ALAS2: variants seen among roughly 807,000 people sequenced by gnomAD.
ALAS2 encodes the protein 5-aminolevulinate synthase, erythroid-specific, mitochondrial.
A neutral mutation model predicts 33.7 loss-of-function variants in ALAS2; 3 were observed. That is an observed-to-expected ratio of 0.09 (90% confidence interval 0.04 to 0.23). The LOEUF (loss-of-function observed/expected upper bound fraction) is 0.23, where lower values mean the gene tolerates loss of function less well. Among genes scored for constraint, ALAS2 ranks in the 10% least tolerant of loss-of-function variants. ALAS2 has a pLI of 1.00. For synonymous variants in ALAS2, 191 were observed against 177.3 expected (o/e 1.08, Z -0.61); for missense variants, 304 against 475.1 (o/e 0.64, Z 3.35).
chrX:55,012,847 C>T lies in ALAS2; in HGVS notation c.1600+639G>A, dbSNP rs1194598220. On this transcript the variant is annotated intron_variant, in intron 10 of 10. Coordinates refer to ENST00000650242, the MANE Select transcript of ALAS2 (RefSeq NM_000032.5). Reference sequence around the variant, plus strand: ...AAAACAAAACTACCCAACAGAAATCCAACAAACATTAGGTGAATTGACTAA... The same window carrying T: ...AAAACAAAACTACCCAACAGAAATCTAACAAACATTAGGTGAATTGACTAA... Among the ~76,000 whole-genome samples the T allele has an allele frequency of 1.3e-4, 14 of 111,747 alleles. No individual in the cohort carries two copies. In the East Asian group the frequency reaches 3.9e-3, roughly 31 times the overall value.
At chrX:55,010,889 C>T (rs1935590628) in intron 10 of ALAS2, among the ~76,000 whole-genome samples, 1 of 111,833 alleles carries the variant, frequency 8.9e-6, no homozygotes, top group African/African-American at 3.3e-5. Context: ...TCCCCAGTGC[C>T]TAGAACAGTA....
At chrX:55,019,089 C>T (rs770983059) in intron 6 of ALAS2, among the ~76,000 whole-genome samples, 1 of 111,254 alleles carries the variant, frequency 9.0e-6, no homozygotes. Flanking sequence ...AGACTTCTCT[C>T]AAGCAGTTTG....
intron 1 of ALAS2, among the ~76,000 whole-genome samples, chrX:55,029,541 T>C (rs1486196103): frequency 8.9e-6 from 1 of 111,739 alleles, no homozygotes. Flanking sequence ...TACCTTTTTT[T>C]CTTGACTGAG....
intron 2 of ALAS2, among the ~76,000 whole-genome samples, chrX:55,025,494 T>C (rs1935876775): frequency 1.8e-5 from 2 of 110,518 alleles, no homozygotes; most frequent in Admixed American, 1.9e-4. Context: ...CCACCACTCC[T>C]GGCTAATTTT....
At chrX:55,010,755 A>G (rs1479108910) in intron 10 of ALAS2, among the ~76,000 whole-genome samples, 2 of 110,931 alleles carry the variant, frequency 1.8e-5, no homozygotes, top group Non-Finnish European at 3.8e-5. Context: ...ATTTTTTCCC[A>G]TAGCACTTAG....
At position 55,015,427 on chromosome X, in the gene ALAS2, C is replaced by T. The variant is rs191333533; in HGVS notation, c.1168+151G>A. On this transcript the variant is annotated intron_variant, in intron 8 of 10. Coordinates refer to ENST00000650242, the MANE Select transcript of ALAS2 (RefSeq NM_000032.5). Reference sequence around the variant, plus strand: ...TTCTCATCAACTCTGCAGTGGGATGCGAGTGGAGAGAGGGAGTCCAGGATG... The same window carrying T: ...TTCTCATCAACTCTGCAGTGGGATGTGAGTGGAGAGAGGGAGTCCAGGATG... 1.4e-4 allele frequency: 87 copies of T among 622,284 alleles called. 1 individual carries two copies. Among genetic ancestry groups the T allele is most frequent in the Admixed American group, 8.3e-4 (28 of 33,625 alleles). 51.3% of individuals were successfully genotyped at this position (622,284 alleles called of 1,213,427 possible).
intron 4 of ALAS2, among the ~76,000 whole-genome samples, chrX:55,022,409 G>T (rs1287887411): frequency 2.7e-5 from 3 of 111,608 alleles, no homozygotes; most frequent in Non-Finnish European, 5.6e-5. Flanking sequence ...GTAGAAAAAT[G>T]GGCATAGAAT....
At chrX:55,017,410 G>A (rs781624162) in intron 7 of ALAS2, 76 bp downstream of exon 7, 24 of 930,378 alleles carry the variant, frequency 2.6e-5, no homozygotes, top group Admixed American at 1.8e-4. Flanking sequence ...TAATGTTATC[G>A]TCATCATCAT....
intron 1 of ALAS2, among the ~76,000 whole-genome samples, chrX:55,027,257 TA>T (rs952330728): frequency 9.2e-6 from 1 of 108,873 alleles, no homozygotes; most frequent in Non-Finnish European, 1.9e-5. Flanking sequence ...GACACAAACA[TA>T]AAAAAATGCT....
chrX:55,014,903 C>T lies in ALAS2; in HGVS notation c.1281G>A (p.Val427=), dbSNP rs1244809212. Residue 427 remains valine, a synonymous_variant, in exon 9 of 11, where the codon GTG becomes GTA. Coordinates refer to ENST00000650242, the MANE Select transcript of ALAS2 (RefSeq NM_000032.5). ...FIFTTSLPPM[V]LSGALESVRL... ...GCACAGATTCTAGAGCTCCAGAGAG[C>T]ACCATGGGGGGCAGAGAAGTGGTAA... is the stretch of plus-strand genomic sequence containing the variant. The T allele has an allele frequency of 1.7e-6, 2 of 1,208,574 alleles. No homozygotes were observed. Among genetic ancestry groups the T allele is most frequent in the Admixed American group, 4.4e-5 (2 of 45,755 alleles).
At chrX:55,013,162 A>G (rs1935631416) in intron 10 of ALAS2, among the ~76,000 whole-genome samples, 1 of 111,343 alleles carries the variant, frequency 9.0e-6, no homozygotes, top group African/African-American at 3.3e-5. Flanking sequence ...TGTCACCTCT[A>G]CTAGGAAGTG....
Position 55,009,218 on chromosome X carries a change from C to T in ALAS2, c.1726G>A (p.Gly576Arg), listed in dbSNP as rs754879867. ...GTGACATACTGGGGCCCCATGTTCC[C>T]GAAGTAGGAACGTTCCCACTCACTC... The part of the protein sequence containing the change: ...LMSEWERSYF[G>R]NMGPQYVTTY... Residue 576 changes from glycine to arginine, a missense_variant, in exon 11 of 11, where the codon GGG (glycine) becomes AGG (arginine). Around this residue, in one of 3 missense-constraint regions of ALAS2, gnomAD observed 95 missense variants for 127.0 expected, o/e 0.75. Coordinates refer to ENST00000650242, the MANE Select transcript of ALAS2 (RefSeq NM_000032.5). The T allele has an allele frequency of 1.7e-6, 2 of 1,205,995 alleles. No homozygotes were observed. Among genetic ancestry groups the T allele is most frequent in the African/African-American group, 1.8e-5 (1 of 56,837 alleles).
chrX:55,021,850 T>C (rs371845710), intron 4 of ALAS2, among the ~76,000 whole-genome samples: 6 of 112,396 alleles, frequency 5.3e-5, no homozygotes, highest in Admixed American at 2.8e-4. Flanking sequence ...TAGCTAATAT[T>C]CAATTACATC....
Position 55,009,062 on chromosome X carries a change from G to A in ALAS2, c.*118C>T, listed in dbSNP as rs934197572. 5.2e-6 allele frequency: 5 copies of A among 956,116 alleles called. No individual in the cohort carries two copies. In the African/African-American group the frequency reaches 9.7e-5, roughly 19 times the overall value. The allele number at this position is 956,116 out of a possible 1,213,427, so 78.8% of individuals were successfully genotyped here. ...CCAATAAAAGGCTTCACATGCTGTGGTTTGTGCTTTATTTTTAGGCTCAAT... is the reference window on the plus strand; with the variant it reads ...CCAATAAAAGGCTTCACATGCTGTGATTTGTGCTTTATTTTTAGGCTCAAT... On this transcript the variant is annotated 3_prime_UTR_variant, in exon 11 of 11. Coordinates refer to ENST00000650242, the MANE Select transcript of ALAS2 (RefSeq NM_000032.5).
In ALAS2 at chrX:55,027,653, T is replaced by C. The variant is rs1935912801; in HGVS notation, c.-15-1638A>G. On this transcript the variant is annotated intron_variant, in intron 1 of 10. Coordinates refer to ENST00000650242, the MANE Select transcript of ALAS2 (RefSeq NM_000032.5). ...ATCTACTAGCACCCTCAGCCTTATG[T>C]TTTGAGGGACAGGTCAGCTCATGGC... The C allele has an allele frequency of 3.5e-6, 3 of 859,791 alleles. No individual in the cohort carries two copies. In the South Asian group the frequency reaches 6.0e-5, roughly 17 times the overall value. 70.9% of individuals were successfully genotyped at this position (859,791 alleles called of 1,213,427 possible).
intron 1 of ALAS2, chrX:55,027,645 G>A: frequency 1.3e-6 from 1 of 778,043 alleles, no homozygotes. Flanking sequence ...AGCACCCTCA[G>A]CCTTATGTTT....
chrX:55,023,935 C>T, intron 3 of ALAS2, 68 bp from the exon 4 acceptor site: 2 of 922,756 alleles, frequency 2.2e-6, no homozygotes, highest in Non-Finnish European at 3.1e-6. Flanking sequence ...GTGTTGTCCT[C>T]TTTAAGCTCA....
rs1390451223 is a variant in ALAS2 at position 55,014,773 on chromosome X, A to G, written c.1411T>C (p.Cys471Arg). 1.7e-6 allele frequency: 2 copies of G among 1,189,223 alleles called. No individual in the cohort carries two copies. Among genetic ancestry groups the G allele is most frequent in the Non-Finnish European group, 2.3e-6 (2 of 882,201 alleles). The change falls in exon 9 of 11, where the codon TGC becomes CGC. Residue 471 changes from cysteine to arginine, a missense_variant. By Grantham distance (180) the Cys-to-Arg change is radical (BLOSUM62 -3). Coordinates refer to ENST00000650242, the MANE Select transcript of ALAS2 (RefSeq NM_000032.5). ...LMDRGLPVIPCPSHIIPIRVG... is the reference protein window; with the variant it reads ...LMDRGLPVIPRPSHIIPIRVG... ...CGGATGGGGATGATGTGGCTGGGGC[A>G]GGGGATGACAGGAAGGCCCCTGTCC... is the stretch of plus-strand genomic sequence containing the variant.
At chrX:55,013,227 A>G (rs920372480) in intron 10 of ALAS2, among the ~76,000 whole-genome samples, 21 of 111,292 alleles carry the variant, frequency 1.9e-4, no homozygotes, top group Admixed American at 2.8e-4. Flanking sequence ...CGACAACTCT[A>G]TCATGCACTG....
Sources: gnomAD v4.1 joint callset for allele counts (sites outside exome capture counted in the v4.1 genomes callset) on GRCh38, gnomAD v4.1.1 for gene constraint, gnomAD v4.1.1 regional missense constraint, MANE v1.5 for transcripts, NCBI Gene and HGNC (gene_info 2026-07-23, HGNC 2026-07-21) for gene names.